Variants in SPATA21 observed in about 807,000 individuals in gnomAD.
SPATA21 encodes the protein spermatogenesis associated 21.
SPATA21 carries 47 observed loss-of-function variants against 54.8 expected under a neutral mutation model. The observed-to-expected ratio is 0.86, with a 90% confidence interval of 0.68 to 1.09. SPATA21 has a LOEUF of 1.09. SPATA21 is among the 50% of genes least tolerant of loss of function. SPATA21 has a pLI of 0.00. For missense variants in SPATA21, 599 were observed against 596.4 expected (o/e 1.00, Z -0.05); for synonymous variants, 245 against 235.3 (o/e 1.04, Z -0.38).
intron 5 of SPATA21, among the ~76,000 whole-genome samples, chr1:16,414,470 G>T (rs1209891828): frequency 6.6e-6 from 1 of 152,046 alleles, no homozygotes; most frequent in East Asian, 1.9e-4. Context: ...AACTGTTTTT[G>T]GTATGTTGTC....
rs2085767835 is a variant in SPATA21, at chr1:16,409,649, T to TC, written c.538dup (p.Glu180GlyfsTer52). ...TCTCTCGCTGCTCTGGTGCAAGAGTTCCATCCTTCTCCAGCCCAGGTCCAG... is the reference window on the plus strand; with the variant it reads ...TCTCTCGCTGCTCTGGTGCAAGAGTTCCCATCCTTCTCCAGCCCAGGTCCAG... On this transcript the variant is annotated frameshift_variant, in exon 6 of 13. Transcript: ENST00000335496. LOFTEE classifies it high-confidence loss of function. The surrounding 1 kb of genome is among the most constrained non-coding windows in gnomAD (Gnocchi z 4.1). 1 of 1,613,062 alleles carries TC rather than the reference T, an allele frequency of 6.2e-7. No homozygotes were observed. Among genetic ancestry groups the TC allele is most frequent in the South Asian group, 1.1e-5 (1 of 91,044 alleles).
rs531673970 is a variant in SPATA21 at position 16,421,456 on chromosome 1, C to T, written c.144+53G>A. 217 of 1,543,638 alleles carry T rather than the reference C, an allele frequency of 1.4e-4. 1 individual carries two copies. In the East Asian group the frequency reaches 4.2e-3, roughly 30 times the overall value. ...CTGCCCTCTTCCTCCTCCTGATCCC[C>T]CCTGCCTTTCTCCTACACAGCTCGT... On this transcript the variant is annotated intron_variant, in intron 5 of 12. Transcript: ENST00000335496. The surrounding 1 kb of genome is among the most constrained non-coding windows in gnomAD (Gnocchi z 5.2).
chr1:16,398,610 T>C (rs2085352774), downstream of SPATA21: 1 of 788,032 alleles, frequency 1.3e-6, no homozygotes, highest in Admixed American at 2.3e-5. Context: ...GGGTGACAAC[T>C]TGAGGGCCTT....
chr1:16,410,792 C>T lies in SPATA21; in HGVS notation c.145-749G>A, dbSNP rs538712390. On this transcript the variant is annotated intron_variant, in intron 5 of 12. Transcript: ENST00000335496. ...GAACTCCTGACCTCAAGTGATCCTC[C>T]GCCTTGGCCTCCCAAAGTGCTGGGA... is the stretch of plus-strand genomic sequence containing the variant. 504 of 383,194 alleles carry T rather than the reference C, an allele frequency of 1.3e-3. 7 individuals carry two copies. The highest frequency in any genetic ancestry group is 9.3e-3 in the South Asian group (489 of 52,644). 23.7% of individuals were successfully genotyped at this position (383,194 alleles called of 1,614,324 possible).
Position 16,421,661 on chromosome 1 carries a change from C to T in SPATA21, c.96-104G>A. The T allele has an allele frequency of 7.7e-7, 1 of 1,296,752 alleles. No individual in the cohort carries two copies. The highest frequency in any genetic ancestry group is 1.1e-6 in the Non-Finnish European group (1 of 931,376). 80.3% of individuals were successfully genotyped at this position (1,296,752 alleles called of 1,614,324 possible). A position where few individuals can be genotyped will look rare whatever the true frequency, so the allele number is the denominator to read the frequency against. ...AGGACACTCAGTTCCACCCCAGCCT[C>T]ATCCCCTTGGCCTTCTCATCTCAGG... On this transcript the variant is annotated intron_variant, in intron 4 of 12. Coordinates refer to ENST00000335496, the MANE Select transcript of SPATA21 (RefSeq NM_198546.1). The surrounding 1 kb of genome is among the most constrained non-coding windows in gnomAD (Gnocchi z 5.2).
At position 16,408,610 on chromosome 1, in the gene SPATA21, C is replaced by T. The variant is rs930728182; in HGVS notation, c.673+508G>A. On this transcript the variant is annotated intron_variant, in intron 7 of 12. Coordinates refer to ENST00000335496, the MANE Select transcript of SPATA21 (RefSeq NM_198546.1). ...GCACGAGGCTGGGCGCGGTGGCTCA[C>T]GCCTGTAATTCCAGACTTTGGGAGG... 1.4e-5 allele frequency: 12 copies of T among 840,588 alleles called. No homozygotes were observed. In the South Asian group the frequency reaches 4.3e-4, roughly 30 times the overall value. The allele number at this position is 840,588 out of a possible 1,614,324, so 52.1% of individuals were successfully genotyped here. A position where few individuals can be genotyped will look rare whatever the true frequency, so the allele number is the denominator to read the frequency against.
intron 3 of SPATA21, 200 bp from the exon 4 acceptor site, chr1:16,422,171 G>T: frequency 2.1e-6 from 3 of 1,442,980 alleles, no homozygotes; most frequent in Non-Finnish European, 2.7e-6. Flanking sequence ...CCTGGTGACT[G>T]GGGGTGGATT....
At chr1:16,398,986 G>A (rs916007806) in intron 12 of SPATA21, among the ~76,000 whole-genome samples, 164 bp from the exon 13 acceptor site, 1 of 152,156 alleles carries the variant, frequency 6.6e-6, no homozygotes, top group African/African-American at 2.4e-5. Flanking sequence ...CAAGTCCAGA[G>A]CTCCCTTCCC....
intron 10 of SPATA21, among the ~76,000 whole-genome samples, chr1:16,402,094 C>T (rs1241438717): frequency 6.6e-6 from 1 of 152,110 alleles, no homozygotes; most frequent in African/African-American, 2.4e-5. Context: ...CACCTCAGGC[C>T]TGAGCCTCTT....
At chr1:16,423,475 A>G (rs567784780) in intron 3 of SPATA21, among the ~76,000 whole-genome samples, 1 of 149,812 alleles carries the variant, frequency 6.7e-6, no homozygotes, top group Admixed American at 6.6e-5. Context: ...AATATTACTG[A>G]GCAACCAAAA....
At chr1:16,398,641 G>T, downstream of SPATA21, 1 of 1,072,224 alleles carries the variant, frequency 9.3e-7, no homozygotes, top group Non-Finnish European at 1.4e-6. Flanking sequence ...AGGCACAGAG[G>T]CTGAAGTTAT....
intron 10 of SPATA21, among the ~76,000 whole-genome samples, chr1:16,401,278 A>T (rs962470339): frequency 1.3e-5 from 2 of 152,156 alleles, no homozygotes; most frequent in African/African-American, 4.8e-5. Flanking sequence ...TGCTTTGTAC[A>T]TGTTACCTAT....
chr1:16,435,388 C>T (rs374524875), intron 1 of SPATA21, among the ~76,000 whole-genome samples: 3 of 152,010 alleles, frequency 2.0e-5, no homozygotes, highest in Non-Finnish European at 4.4e-5. Context: ...CTAGTTCCAG[C>T]TCACTGCAAC....
intron 5 of SPATA21, among the ~76,000 whole-genome samples, chr1:16,415,399 A>G (rs2085972753): frequency 6.6e-6 from 1 of 152,024 alleles, no homozygotes; most frequent in Non-Finnish European, 1.5e-5. Context: ...GATGGTGGCC[A>G]TGAATCCAGC....
intron 7 of SPATA21, among the ~76,000 whole-genome samples, chr1:16,408,203 A>T (rs1220910095): frequency 6.6e-6 from 1 of 152,146 alleles, no homozygotes; most frequent in Non-Finnish European, 1.5e-5. Context: ...GGAGTAGGGG[A>T]TGGAAGGAGG....
At chr1:16,401,912 T>C in intron 10 of SPATA21, among the ~76,000 whole-genome samples, 1 of 152,190 alleles carries the variant, frequency 6.6e-6, no homozygotes, top group East Asian at 1.9e-4. Context: ...GCCACTCTTC[T>C]AAGTGATTGG....
In SPATA21 at chr1:16,409,341, GA is replaced by G; in HGVS notation, c.588-139del. ...AGCCCGGAGAGATCAAGAATGGCAG[GA>G]AAAAGGAGATCCAGAGGAGAAGTGG... On this transcript the variant is annotated intron_variant, in intron 6 of 12. Coordinates refer to ENST00000335496, the MANE Select transcript of SPATA21 (RefSeq NM_198546.1). This position sits in a 1 kb window ranked among gnomAD's most constrained non-coding sequence, Gnocchi z 4.1. 4 of 940,500 alleles carry G rather than the reference GA, an allele frequency of 4.3e-6. No homozygotes were observed. The highest frequency in any genetic ancestry group is 2.4e-5 in the Admixed American group (1 of 41,494). 58.3% of individuals were successfully genotyped at this position (940,500 alleles called of 1,614,324 possible).
Position 16,409,792 on chromosome 1 carries a change from G to A in SPATA21, c.396C>T (p.Ala132=). The change falls in exon 6 of 13, where the codon GCC becomes GCT. Residue 132 remains alanine, a synonymous_variant. Coordinates refer to ENST00000335496, the MANE Select transcript of SPATA21 (RefSeq NM_198546.1). The surrounding 1 kb of genome is among the most constrained non-coding windows in gnomAD (Gnocchi z 4.1). The part of the protein sequence containing the change: ...TSAPSLPQTP[A]SVPASGPSWA... Reference sequence around the variant, plus strand: ...ACGATGGGCCGCTGGCAGGGACCGAGGCAGGGGTCTGAGGCAGGCTTGGAG... The same window carrying A: ...ACGATGGGCCGCTGGCAGGGACCGAAGCAGGGGTCTGAGGCAGGCTTGGAG... The A allele has an allele frequency of 6.2e-7, 1 of 1,602,080 alleles. No individual in the cohort carries two copies. The highest frequency in any genetic ancestry group is 8.5e-7 in the Non-Finnish European group (1 of 1,174,506).
At chr1:16,417,671 G>A (rs1342277749) in intron 5 of SPATA21, among the ~76,000 whole-genome samples, 2 of 152,030 alleles carry the variant, frequency 1.3e-5, no homozygotes, top group Admixed American at 1.3e-4. Context: ...CTGACCTCAG[G>A]TGATCCGCCC....
Sources: gnomAD v4.1 joint callset for allele counts (sites outside exome capture counted in the v4.1 genomes callset) on GRCh38, gnomAD v4.1.1 for gene constraint, Gnocchi (gnomAD v3.1) non-coding constraint, MANE v1.5 for transcripts, NCBI Gene and HGNC (gene_info 2026-07-23, HGNC 2026-07-21) for gene names.